PI4K2B: variants seen among roughly 807,000 people sequenced by gnomAD.
The protein encoded by PI4K2B is phosphatidylinositol 4-kinase type 2-beta.
PI4K2B carries 46 observed loss-of-function variants against 56.6 expected under a neutral mutation model. The ratio of observed to expected loss-of-function variants is 0.81; its 90% confidence interval spans 0.64 to 1.04. The LOEUF is 1.04. PI4K2B is among the 50% of genes least tolerant of loss of function. The pLI is 0.00. For synonymous variants in PI4K2B, 211 were observed against 223.8 expected, an observed-to-expected ratio of 0.94 and a Z score of 0.51; for missense variants, 556 against 607.7, an observed-to-expected ratio of 0.91 and a Z score of 0.89.
chr4:25,246,438 C>G (rs1715786205), intron 1 of PI4K2B, among the ~76,000 whole-genome samples: 1 of 152,188 alleles, frequency 6.6e-6, no homozygotes, highest in Non-Finnish European at 1.5e-5. Context: ...ATACAGAGCA[C>G]TGATTGGTGC....
In PI4K2B at chr4:25,255,156, C is replaced by A; in HGVS notation, c.515C>A (p.Pro172His). 1 of 1,614,088 alleles carries A rather than the reference C, an allele frequency of 6.2e-7. No individual in the cohort carries two copies. The highest frequency in any genetic ancestry group is 8.5e-7 in the Non-Finnish European group (1 of 1,179,952). The part of the protein sequence containing the change: ...WTKYVHKVCC[P>H]CCFGRGCLIP... Reference sequence around the variant, plus strand: ...AAATATGTCCATAAGGTCTGCTGCCCTTGCTGCTTTGGCCGAGGCTGCCTG... The same window carrying A: ...AAATATGTCCATAAGGTCTGCTGCCATTGCTGCTTTGGCCGAGGCTGCCTG... The change falls in exon 3 of 10, where the codon CCT (proline) becomes CAT (histidine). Residue 172 changes from proline (P) to histidine (H), a missense_variant. Transcript: ENST00000264864.
intron 1 of PI4K2B, among the ~76,000 whole-genome samples, chr4:25,234,921 A>G (rs1420275108): frequency 6.6e-6 from 1 of 152,244 alleles, no homozygotes; most frequent in Non-Finnish European, 1.5e-5. Flanking sequence ...GTTATTATGA[A>G]GTTAGCCACA....
At chr4:25,236,423 C>T (rs80150036) in intron 1 of PI4K2B, among the ~76,000 whole-genome samples, 21 of 151,336 alleles carry the variant, frequency 1.4e-4, no homozygotes, top group African/African-American at 4.4e-4. Context: ...TGGTGGCGGG[C>T]GCCTGCAATT....
chr4:25,253,109 C>T (rs1716128997), intron 2 of PI4K2B, among the ~76,000 whole-genome samples: 2 of 152,092 alleles, frequency 1.3e-5, no homozygotes, highest in Admixed American at 6.5e-5. Context: ...TAGCCAAACA[C>T]GGTGGAAGGT....
At chr4:25,242,493 G>A (rs989758115) in intron 1 of PI4K2B, among the ~76,000 whole-genome samples, 1 of 152,204 alleles carries the variant, frequency 6.6e-6, no homozygotes, top group Non-Finnish European at 1.5e-5. Flanking sequence ...CCAGAACCGT[G>A]AACCATTCTG....
chr4:25,236,410 G>A (rs2109080360), intron 1 of PI4K2B, among the ~76,000 whole-genome samples: 1 of 152,038 alleles, frequency 6.6e-6, no homozygotes, highest in East Asian at 1.9e-4. Context: ...AATTAGCCAG[G>A]CATGGTGGCG....
chr4:25,244,168 A>T (rs897033712), intron 1 of PI4K2B, among the ~76,000 whole-genome samples: 5 of 152,188 alleles, frequency 3.3e-5, no homozygotes, highest in African/African-American at 1.2e-4. Context: ...GGAGAAGGGG[A>T]CATGTACCCA....
intron 9 of PI4K2B, among the ~76,000 whole-genome samples, chr4:25,275,877 G>C (rs1717074944): frequency 6.6e-6 from 1 of 152,256 alleles, no homozygotes; most frequent in African/African-American, 2.4e-5. Flanking sequence ...GCCAAGGCAG[G>C]AGGATTGCAT....
Position 25,272,270 on chromosome 4 carries a change from G to T in PI4K2B, c.1272+3067G>T, listed in dbSNP as rs1002905708. ...CTCATATCTTATCTCATGTACAAAA[G>T]AAAAAGGCATTATAAAAATGAATAT... On this transcript the variant is annotated intron_variant, in intron 9 of 9. Transcript: ENST00000264864. Among the ~76,000 whole-genome samples, 12 of 152,128 alleles carry T rather than the reference G, an allele frequency of 7.9e-5. No homozygotes were observed. The East Asian group carries it at 2.3e-3, about 29-fold the overall frequency.
At chr4:25,255,639 T>G (rs567432061) in intron 3 of PI4K2B, among the ~76,000 whole-genome samples, 2 of 152,358 alleles carry the variant, frequency 1.3e-5, no homozygotes, top group East Asian at 1.9e-4. Flanking sequence ...CTTGTTTTGT[T>G]TTTTTAAGAG....
chr4:25,262,404 A>G (rs888982993), intron 6 of PI4K2B, among the ~76,000 whole-genome samples: 21 of 152,184 alleles, frequency 1.4e-4, no homozygotes, highest in African/African-American at 4.8e-4. Flanking sequence ...TTATTTGTAT[A>G]TCTTGAGCTG....
intron 1 of PI4K2B, among the ~76,000 whole-genome samples, chr4:25,240,122 A>G (rs1375723733): frequency 6.6e-6 from 1 of 152,208 alleles, no homozygotes; most frequent in Non-Finnish European, 1.5e-5. Context: ...AGGACCTAGA[A>G]AGGGGAGAAG....
chr4:25,264,251 A>G (rs1362814190), intron 7 of PI4K2B, among the ~76,000 whole-genome samples: 3 of 152,122 alleles, frequency 2.0e-5, no homozygotes, highest in Middle Eastern at 3.2e-3. Context: ...TTGCTTTCCC[A>G]GTCTCTTTTG....
At chr4:25,237,740 C>G (rs1348708398) in intron 1 of PI4K2B, among the ~76,000 whole-genome samples, 2 of 152,158 alleles carry the variant, frequency 1.3e-5, no homozygotes, top group Non-Finnish European at 2.9e-5. Context: ...TGGGAGGCCT[C>G]TTTGGTGCAC....
At chr4:25,255,797 CA>C (rs1716242863) in intron 3 of PI4K2B, among the ~76,000 whole-genome samples, 1 of 150,596 alleles carries the variant, frequency 6.6e-6, no homozygotes, top group Non-Finnish European at 1.5e-5. Flanking sequence ...TGGCTCACTG[CA>C]GCCTCATCCT....
At chr4:25,249,622 G>A (rs1715958231) in intron 1 of PI4K2B, among the ~76,000 whole-genome samples, 1 of 151,566 alleles carries the variant, frequency 6.6e-6, no homozygotes. Context: ...CTTCTCAGAT[G>A]TGGCGGCCGG....
chr4:25,266,949 C>CT lies in PI4K2B; in HGVS notation c.1079-1493dup, dbSNP rs557805466. Among the ~76,000 whole-genome samples, 892 of 151,052 alleles carry CT rather than the reference C, an allele frequency of 5.9e-3. 8 individuals carry two copies. Among genetic ancestry groups the CT allele is most frequent in the Non-Finnish European group, 8.3e-3 (560 of 67,790 alleles). ...TTAAATAAATAGAGAAGAGAAAGGACTAAGTGTGGAATCAGGGGTAACAGT... is the reference window on the plus strand; with the variant it reads ...TTAAATAAATAGAGAAGAGAAAGGACTTAAGTGTGGAATCAGGGGTAACAGT... On this transcript the variant is annotated intron_variant, in intron 7 of 9. Coordinates refer to ENST00000264864, the MANE Select transcript of PI4K2B (RefSeq NM_018323.4).
At chr4:25,253,409 C>T (rs1002823297) in intron 2 of PI4K2B, among the ~76,000 whole-genome samples, 1 of 152,128 alleles carries the variant, frequency 6.6e-6, no homozygotes, top group Non-Finnish European at 1.5e-5. Context: ...AGGGGAATAA[C>T]GTTTATAATT....
At chr4:25,245,654 C>T (rs976124314) in intron 1 of PI4K2B, among the ~76,000 whole-genome samples, 7 of 152,054 alleles carry the variant, frequency 4.6e-5, no homozygotes, top group Non-Finnish European at 1.0e-4. Context: ...TTTAACTGGC[C>T]GACAGGTGCC....
Sources: gnomAD v4.1 joint callset for allele counts (sites outside exome capture counted in the v4.1 genomes callset) on GRCh38, gnomAD v4.1.1 for gene constraint, MANE v1.5 for transcripts, NCBI Gene and HGNC (gene_info 2026-07-23, HGNC 2026-07-21) for gene names.